NIBAN1: variants seen among roughly 807,000 people sequenced by gnomAD.
NIBAN1 encodes protein Niban 1.
Under a neutral mutation model 75.1 loss-of-function variants are expected in NIBAN1, and 81 were observed. That is an observed-to-expected ratio of 1.08 (90% CI 0.90 to 1.30). The LOEUF (loss-of-function observed/expected upper bound fraction) is 1.30. Ranked by LOEUF, NIBAN1 falls within the 50% of genes most tolerant of loss-of-function variation. The pLI is 0.00. For missense variants in NIBAN1, 1,133 were observed against 1,128.1 expected (o/e 1.00, Z -0.06); for synonymous variants, 436 against 424.8 (o/e 1.03, Z -0.32).
At chr1:184,883,856 G>A (rs1656440454) in intron 5 of NIBAN1, among the ~76,000 whole-genome samples, 1 of 152,100 alleles carries the variant, frequency 6.6e-6, no homozygotes, top group Non-Finnish European at 1.5e-5. Context: ...GATTACCACG[G>A]ACCGTGCCAC....
intron 11 of NIBAN1, 118 bp downstream of exon 11, chr1:184,805,828 G>A (rs1402573333): frequency 2.7e-6 from 2 of 753,578 alleles, no homozygotes; most frequent in African/African-American, 1.7e-5. Context: ...GGACTTGGGA[G>A]AGAAAGGAGT....
intron 1 of NIBAN1, among the ~76,000 whole-genome samples, chr1:184,941,328 C>T (rs1168472384): frequency 6.6e-6 from 1 of 152,136 alleles, no homozygotes; most frequent in African/African-American, 2.4e-5. Flanking sequence ...GAAAGTTAAA[C>T]ACCTAAAATG....
At chr1:184,835,428 C>G (rs977714517) in intron 5 of NIBAN1, among the ~76,000 whole-genome samples, 2 of 152,128 alleles carry the variant, frequency 1.3e-5, no homozygotes, top group Non-Finnish European at 2.9e-5. Context: ...TATAAATTAC[C>G]TTGGGCAGTA....
At chr1:184,881,590 T>G (rs1467522798) in intron 5 of NIBAN1, among the ~76,000 whole-genome samples, 1 of 152,182 alleles carries the variant, frequency 6.6e-6, no homozygotes, top group Non-Finnish European at 1.5e-5. Flanking sequence ...AAAGCAAGTT[T>G]ATTAAGGAAT....
intron 1 of NIBAN1, among the ~76,000 whole-genome samples, chr1:184,941,913 G>A (rs186813947): frequency 6.6e-6 from 1 of 152,102 alleles, no homozygotes; most frequent in African/African-American, 2.4e-5. Flanking sequence ...TCAGACAGAG[G>A]AGACCATATT....
chr1:184,876,801 C>G (rs1418692691), intron 5 of NIBAN1, among the ~76,000 whole-genome samples: 1 of 152,140 alleles, frequency 6.6e-6, no homozygotes, highest in South Asian at 2.1e-4. Context: ...TACAGGCACG[C>G]TCTGCCAAAT....
chr1:184,884,833 A>G (rs1418758029), intron 4 of NIBAN1, 33 bp from the exon 5 acceptor site: 1 of 1,606,768 alleles, frequency 6.2e-7, no homozygotes, highest in Non-Finnish European at 8.5e-7. Context: ...AATACCTTTT[A>G]AAACATGTAT....
At position 184,796,049 on chromosome 1, in the gene NIBAN1, T is replaced by A; in HGVS notation, c.1715A>T (p.Asn572Ile). 6.3e-7 allele frequency: 1 copy of A among 1,586,894 alleles called. No homozygotes were observed. Among genetic ancestry groups the A allele is most frequent in the Non-Finnish European group, 8.6e-7 (1 of 1,169,284 alleles). ...CACACTTTCACTGGGCAAGGCCATG[T>A]TATCTTCAAATAAGTTGTGTTTCTT... ...ILKKHNLFED[N>I]MALPSESVSS... Residue 572 changes from asparagine to isoleucine, a missense_variant, in exon 14 of 14, where the codon AAC becomes ATC. By Grantham distance (149) the Asn-to-Ile change is moderately radical. Transcript: ENST00000367511.
chr1:184,918,563 T>G (rs1657451646), intron 1 of NIBAN1, among the ~76,000 whole-genome samples: 1 of 152,202 alleles, frequency 6.6e-6, no homozygotes, highest in South Asian at 2.1e-4. Flanking sequence ...GCCTGTACTG[T>G]TCACCCTTCC....
At chr1:184,856,845 G>A (rs185766883) in intron 5 of NIBAN1, among the ~76,000 whole-genome samples, 5 of 152,330 alleles carry the variant, frequency 3.3e-5, no homozygotes, top group African/African-American at 9.6e-5. Context: ...ACACAACAGC[G>A]AGTGTGATAA....
rs184355845 is a variant in NIBAN1, at chr1:184,929,985, C to A, written c.56-30676G>T. The stretch of plus-strand genomic sequence containing the variant: ...AAGACCAAAAACAGGAATCGAGAAC[C>A]CTTCCATCCCAAAAGAGCTTCCAAA... On this transcript the variant is annotated intron_variant, in intron 1 of 13. Transcript: ENST00000367511. 3.5e-3 allele frequency among the ~76,000 whole-genome samples: 534 copies of A among 152,250 alleles called. 5 individuals carry two copies. The highest frequency in any genetic ancestry group is 0.012 in the African/African-American group (510 of 41,524).
chr1:184,805,423 A>C (rs1054861275), intron 11 of NIBAN1, among the ~76,000 whole-genome samples: 2 of 152,242 alleles, frequency 1.3e-5, no homozygotes, highest in Non-Finnish European at 2.9e-5. Context: ...TTTAAAATAT[A>C]ACATATATGT....
chr1:184,844,128 A>G (rs685595), intron 5 of NIBAN1, among the ~76,000 whole-genome samples: 89,664 of 152,120 alleles, frequency 0.59, 26,832 homozygotes, highest in African/African-American at 0.68. Flanking sequence ...GGTATAATTT[A>G]TCACTGTAGC....
rs896216193 is a variant in NIBAN1 at position 184,792,429 on chromosome 1, G to C, written c.*2548C>G. On this transcript the variant is annotated 3_prime_UTR_variant, in exon 14 of 14. Transcript: ENST00000367511. ...TGAAAAAAATCTCTTAGCTTTCCAG[G>C]GGGTGCAAGAAGCCCTGCATTGAGC... The C allele has an allele frequency of 6.5e-6, 1 of 152,690 alleles. No homozygotes were observed. Among genetic ancestry groups the C allele is most frequent in the Non-Finnish European group, 1.5e-5 (1 of 68,106 alleles). 9.5% of individuals were successfully genotyped at this position (152,690 alleles called of 1,614,324 possible).
At chr1:184,853,097 A>G (rs1010389013) in intron 5 of NIBAN1, among the ~76,000 whole-genome samples, 2 of 152,350 alleles carry the variant, frequency 1.3e-5, no homozygotes, top group South Asian at 4.1e-4. Context: ...AAAACTATGA[A>G]ATATTACATC....
chr1:184,877,158 GC>G (rs1656254404), intron 5 of NIBAN1, among the ~76,000 whole-genome samples: 1 of 152,138 alleles, frequency 6.6e-6, no homozygotes, highest in Non-Finnish European at 1.5e-5. Flanking sequence ...AATATGTTTA[GC>G]TTTGAAAGTC....
At chr1:184,923,618 G>A (rs1657613335) in intron 1 of NIBAN1, among the ~76,000 whole-genome samples, 1 of 152,130 alleles carries the variant, frequency 6.6e-6, no homozygotes, top group African/African-American at 2.4e-5. Context: ...TTGGTATTTT[G>A]ATAAGGATTG....
At chr1:184,955,904 A>G (rs919545868) in intron 1 of NIBAN1, among the ~76,000 whole-genome samples, 2 of 152,084 alleles carry the variant, frequency 1.3e-5, no homozygotes, top group African/African-American at 4.8e-5. Flanking sequence ...AAATCTACCC[A>G]CATAATCCTC....
intron 1 of NIBAN1, among the ~76,000 whole-genome samples, chr1:184,934,024 G>C (rs192384786): frequency 6.6e-6 from 1 of 152,308 alleles, no homozygotes; most frequent in Non-Finnish European, 1.5e-5. Flanking sequence ...GAATGCATAT[G>C]GGAAATCATG....
Sources: gnomAD v4.1 joint callset for allele counts (sites outside exome capture counted in the v4.1 genomes callset) on GRCh38, gnomAD v4.1.1 for gene constraint, MANE v1.5 for transcripts, NCBI Gene and HGNC (gene_info 2026-07-23, HGNC 2026-07-21) for gene names.